TMEM131: variants seen among roughly 807,000 people sequenced by gnomAD.
The protein encoded by TMEM131 is 2610524E03Rik.
Under a neutral mutation model 211.6 loss-of-function variants are expected in TMEM131, and 66 were observed. The observed-to-expected ratio is 0.31, with a 90% CI of 0.26 to 0.38. The LOEUF (loss-of-function observed/expected upper bound fraction) is 0.38, where lower values mean the gene tolerates loss of function less well. Among genes scored for constraint, TMEM131 ranks in the 10% least tolerant of loss-of-function variants. TMEM131 has a pLI of 1.00. For missense variants in TMEM131, 2,036 were observed against 2,299.3 expected, an observed-to-expected ratio of 0.89 and a Z score of 2.34; for synonymous variants, 844 against 841.3, an observed-to-expected ratio of 1.00 and a Z score of -0.06.
At chr2:97,856,591 A>G (rs1447829256) in intron 5 of TMEM131, among the ~76,000 whole-genome samples, 1 of 152,252 alleles carries the variant, frequency 6.6e-6, no homozygotes, top group Non-Finnish European at 1.5e-5. Context: ...TGTCAAAGAA[A>G]TAAGACCTGA....
chr2:97,949,037 G>A (rs1678179750), intron 1 of TMEM131, among the ~76,000 whole-genome samples: 1 of 152,190 alleles, frequency 6.6e-6, no homozygotes, highest in South Asian at 2.1e-4. Context: ...TGAAACGTAT[G>A]TGTGAATGAA....
At chr2:97,854,160 AG>A (rs1397517900) in intron 5 of TMEM131, among the ~76,000 whole-genome samples, 1 of 152,232 alleles carries the variant, frequency 6.6e-6, no homozygotes, top group Non-Finnish European at 1.5e-5. Flanking sequence ...TACCCTGATC[AG>A]TCAGTGGCTG....
intron 31 of TMEM131, among the ~76,000 whole-genome samples, chr2:97,791,832 C>T (rs1347705370): frequency 6.6e-6 from 1 of 152,140 alleles, no homozygotes; most frequent in African/African-American, 2.4e-5. Flanking sequence ...GGCCAGATAG[C>T]AAATATTTTC....
chr2:97,955,878 T>C (rs909031605), intron 1 of TMEM131, among the ~76,000 whole-genome samples: 1 of 152,012 alleles, frequency 6.6e-6, no homozygotes, highest in South Asian at 2.1e-4. Flanking sequence ...TATAATAGAG[T>C]ACTTAACACA....
At chr2:97,849,811 AG>A (rs1673530664) in intron 5 of TMEM131, among the ~76,000 whole-genome samples, 1 of 145,500 alleles carries the variant, frequency 6.9e-6, no homozygotes, top group Non-Finnish European at 1.5e-5. Context: ...TTTTTTCATA[AG>A]GGTCTCAGTG....
chr2:97,796,446 C>A (rs1243666036), intron 27 of TMEM131, 42 bp from the exon 28 acceptor site: 1 of 1,228,932 alleles, frequency 8.1e-7, no homozygotes, highest in Non-Finnish European at 1.1e-6. Context: ...ATCTTGCCAT[C>A]ATGTGCTCCC....
intron 1 of TMEM131, among the ~76,000 whole-genome samples, chr2:97,976,182 T>C (rs1679525803): frequency 6.6e-6 from 1 of 152,082 alleles, no homozygotes; most frequent in Admixed American, 6.5e-5. Flanking sequence ...CTATTCAACA[T>C]TGCACTGGAG....
At chr2:97,971,268 T>A (rs1025760577) in intron 1 of TMEM131, among the ~76,000 whole-genome samples, 2 of 152,100 alleles carry the variant, frequency 1.3e-5, no homozygotes, top group Non-Finnish European at 2.9e-5. Flanking sequence ...ATGTGGGGGA[T>A]GACACACTGA....
intron 31 of TMEM131, among the ~76,000 whole-genome samples, chr2:97,791,057 G>A (rs1394893354): frequency 6.6e-6 from 1 of 152,214 alleles, no homozygotes; most frequent in Non-Finnish European, 1.5e-5. Context: ...GGAAGGGACT[G>A]ATACAGGCTT....
intron 4 of TMEM131, among the ~76,000 whole-genome samples, chr2:97,882,496 G>C (rs1674976104): frequency 1.3e-5 from 2 of 152,204 alleles, no homozygotes; most frequent in South Asian, 4.1e-4. Flanking sequence ...CTTAGGCCCT[G>C]TCTGAGCCAA....
At chr2:97,909,540 T>C (rs1559440836) in intron 2 of TMEM131, among the ~76,000 whole-genome samples, 1 of 152,192 alleles carries the variant, frequency 6.6e-6, no homozygotes, top group Non-Finnish European at 1.5e-5. Flanking sequence ...TTCTTATTGA[T>C]GTACGAGAAA....
chr2:97,799,955 T>TA (rs549880919), intron 25 of TMEM131, among the ~76,000 whole-genome samples: 109 of 152,150 alleles, frequency 7.2e-4, no homozygotes, highest in African/African-American at 1.9e-3. Flanking sequence ...TTGTAAAAAT[T>TA]AAAAAAAATC....
At chr2:97,882,000 T>C (rs1202618691) in intron 4 of TMEM131, among the ~76,000 whole-genome samples, 1 of 152,248 alleles carries the variant, frequency 6.6e-6, no homozygotes, top group East Asian at 1.9e-4. Flanking sequence ...CTGAAGACAT[T>C]GATAATTTAC....
Position 97,995,744 on chromosome 2 carries a change from C to G in TMEM131, c.-82G>C, listed in dbSNP as rs1278969996. ...CGGCGGCGGCGCGGAAGCCGTGGTC[C>G]GGGCTCTGGCCGCGGCGCCGGGAGC... On this transcript the variant is annotated 5_prime_UTR_variant, in exon 1 of 41. Coordinates refer to ENST00000186436, the MANE Select transcript of TMEM131 (RefSeq NM_015348.2). 3 of 1,054,718 alleles carry G rather than the reference C, an allele frequency of 2.8e-6. No individual in the cohort carries two copies. The highest frequency in any genetic ancestry group is 1.7e-5 in the African/African-American group (1 of 59,532). The allele number at this position is 1,054,718 out of a possible 1,614,324, so 65.3% of individuals were successfully genotyped here.
At chr2:97,882,861 A>G (rs986974501) in intron 4 of TMEM131, among the ~76,000 whole-genome samples, 7 of 152,210 alleles carry the variant, frequency 4.6e-5, no homozygotes, top group African/African-American at 1.7e-4. Context: ...AACTCCGCTC[A>G]GTGTTCTCTG....
intron 31 of TMEM131, among the ~76,000 whole-genome samples, chr2:97,779,041 A>C (rs1437524464): frequency 6.6e-6 from 1 of 152,248 alleles, no homozygotes; most frequent in Non-Finnish European, 1.5e-5. Context: ...GGAATGTTAA[A>C]AAGAAAATAC....
chr2:97,838,354 T>C (rs1056181737), intron 7 of TMEM131, among the ~76,000 whole-genome samples: 1 of 151,754 alleles, frequency 6.6e-6, no homozygotes. Flanking sequence ...TTCACTTGTT[T>C]CATCACAAGA....
chr2:97,953,178 CTT>C (rs1207662756), intron 1 of TMEM131, among the ~76,000 whole-genome samples: 2 of 152,136 alleles, frequency 1.3e-5, no homozygotes, highest in African/African-American at 2.4e-5. Flanking sequence ...TTAAAACAAA[CTT>C]AACATCTGCT....
At chr2:97,807,163 G>A (rs149423297) in intron 19 of TMEM131, among the ~76,000 whole-genome samples, 34 of 152,274 alleles carry the variant, frequency 2.2e-4, no homozygotes, top group African/African-American at 7.9e-4. Context: ...GACAGGATTT[G>A]GTAATATAGA....
Sources: allele counts gnomAD v4.1 joint callset (sites outside exome capture counted in the v4.1 genomes callset), GRCh38; gene constraint gnomAD v4.1.1; transcripts MANE v1.5; gene names NCBI Gene and HGNC (gene_info 2026-07-23, HGNC 2026-07-21).